The following GALNT13 variants were observed in gnomAD, a reference collection of about 807,000 sequenced individuals.
GALNT13 encodes polypeptide N-acetylgalactosaminyltransferase 13, also known as UDP-GalNAc:polypeptide N-acetylgalactosaminyltransferase 13.
A neutral mutation model predicts 64.2 loss-of-function variants in GALNT13; 28 were observed. The ratio of observed to expected loss-of-function variants is 0.44; its 90% CI spans 0.32 to 0.60. GALNT13 has a LOEUF of 0.60. GALNT13 is among the 20% of genes least tolerant of loss of function. The pLI, the probability that GALNT13 is intolerant of heterozygous loss-of-function variation, is 0.05. For synonymous variants in GALNT13, 214 were observed against 224.6 expected (o/e 0.95, Z 0.42); for missense variants, 577 against 669.8 (o/e 0.86, Z 1.53).
chr2:153,379,234 C>T, the GALNT13 span, among the ~76,000 whole-genome samples: 1 of 152,108 alleles, frequency 6.6e-6, no homozygotes, highest in Non-Finnish European at 1.5e-5. Flanking sequence ...AATAATGTTG[C>T]TTTTAAAATA....
the GALNT13 span, among the ~76,000 whole-genome samples, chr2:153,842,733 C>CAT: frequency 6.6e-6 from 1 of 151,558 alleles, no homozygotes; most frequent in African/African-American, 2.4e-5. Context: ...AACACACACA[C>CAT]ACACACACAT....
chr2:154,017,430 A>G (rs1574337637), intron 3 of GALNT13, among the ~76,000 whole-genome samples: 1 of 152,198 alleles, frequency 6.6e-6, no homozygotes, highest in Admixed American at 6.5e-5. Flanking sequence ...ATTGGTTAAT[A>G]TGATATTAAA....
At chr2:154,326,842 A>C (rs1015068934) in intron 9 of GALNT13, among the ~76,000 whole-genome samples, 8 of 152,176 alleles carry the variant, frequency 5.3e-5, no homozygotes, top group African/African-American at 1.9e-4. Flanking sequence ...CATAAAAATT[A>C]GTATCAACTA....
rs1281360390 is a variant in GALNT13 at position 154,453,173 on chromosome 2, C to T, written c.*2622C>T. 6.6e-6 allele frequency: 1 copy of T among 152,132 alleles called. No homozygotes were observed. The highest frequency in any genetic ancestry group is 1.5e-5 in the Non-Finnish European group (1 of 68,030). The allele number at this position is 152,132 out of a possible 1,614,324, so 9.4% of individuals were successfully genotyped here. A position where few individuals can be genotyped will look rare whatever the true frequency, so the allele number is the denominator to read the frequency against. On this transcript the variant is annotated 3_prime_UTR_variant, in exon 13 of 13. Transcript: ENST00000392825. Reference sequence around the variant, plus strand: ...TATTTAGTTCCCTAATTTCCCAGTCCTTGTCTTGAACAATCTTTTCTCAGT... The same window carrying T: ...TATTTAGTTCCCTAATTTCCCAGTCTTTGTCTTGAACAATCTTTTCTCAGT...
chr2:153,084,599 A>G, the GALNT13 span, among the ~76,000 whole-genome samples: 4 of 152,196 alleles, frequency 2.6e-5, no homozygotes, highest in African/African-American at 9.6e-5. Flanking sequence ...TCTTCTTGTG[A>G]TAGTGAATAA....
the GALNT13 span, among the ~76,000 whole-genome samples, chr2:153,114,760 A>G: frequency 6.6e-6 from 1 of 152,138 alleles, no homozygotes; most frequent in Non-Finnish European, 1.5e-5. Context: ...ATGAGCTTAA[A>G]CAAAGTGGCA....
At chr2:154,013,365 GC>G (rs1310625192) in intron 3 of GALNT13, among the ~76,000 whole-genome samples, 1 of 151,938 alleles carries the variant, frequency 6.6e-6, no homozygotes, top group Admixed American at 6.6e-5. Flanking sequence ...GACCCTGACG[GC>G]TAGAAGTGCT....
intron 5 of GALNT13, 119 bp from the exon 6 acceptor site, chr2:154,242,575 CAGTA>C: frequency 1.6e-6 from 1 of 638,532 alleles, no homozygotes; most frequent in Non-Finnish European, 2.7e-6. Context: ...ATATCTAAGG[CAGTA>C]AATACTGATA....
At chr2:154,245,127 A>ATAAATAAATAAC (rs1187336582) in intron 6 of GALNT13, among the ~76,000 whole-genome samples, 31 of 151,270 alleles carry the variant, frequency 2.0e-4, no homozygotes, top group African/African-American at 6.8e-4. Flanking sequence ...AAATAAATAA[A>ATAAATAAATAAC]TAAATAAATA....
intron 3 of GALNT13, among the ~76,000 whole-genome samples, chr2:154,019,602 C>CT (rs1362872872): frequency 1.6e-5 from 2 of 126,498 alleles, no homozygotes; most frequent in African/African-American, 6.4e-5. Context: ...GAGTAAGACT[C>CT]CACACACACA....
chr2:153,846,946 A>G, the GALNT13 span, among the ~76,000 whole-genome samples: 1 of 152,140 alleles, frequency 6.6e-6, no homozygotes, highest in Non-Finnish European at 1.5e-5. Flanking sequence ...TCTCCAATAA[A>G]TATTTCTAGA....
chr2:153,651,894 A>C, the GALNT13 span, among the ~76,000 whole-genome samples: 2 of 152,188 alleles, frequency 1.3e-5, no homozygotes, highest in African/African-American at 4.8e-5. Flanking sequence ...TTTACATATA[A>C]TTCTGGTTAC....
chr2:154,271,633 G>T (rs1042822053), intron 8 of GALNT13, among the ~76,000 whole-genome samples: 2 of 151,822 alleles, frequency 1.3e-5, no homozygotes, highest in Admixed American at 1.3e-4. Flanking sequence ...TCATATGAGT[G>T]TTTCTCTGGA....
chr2:154,349,765 T>C (rs932310183), intron 9 of GALNT13, among the ~76,000 whole-genome samples: 12 of 152,252 alleles, frequency 7.9e-5, no homozygotes, highest in Non-Finnish European at 1.6e-4. Context: ...ATAACCTAAA[T>C]CTCTGGACAC....
At chr2:153,238,646 GTGTAGAT>G in the GALNT13 span, among the ~76,000 whole-genome samples, 1 of 152,154 alleles carries the variant, frequency 6.6e-6, no homozygotes, top group African/African-American at 2.4e-5. Context: ...CACTGTAGGT[GTGTAGAT>G]TTCTCTGTGG....
At chr2:154,228,810 T>C (rs1688764815) in intron 4 of GALNT13, among the ~76,000 whole-genome samples, 1 of 152,088 alleles carries the variant, frequency 6.6e-6, no homozygotes, top group South Asian at 2.1e-4. Context: ...TGAGTTTCAG[T>C]TCTTTGATGC....
chr2:153,262,439 T>C, the GALNT13 span, among the ~76,000 whole-genome samples: 15 of 152,302 alleles, frequency 9.8e-5, no homozygotes, highest in African/African-American at 3.4e-4. Flanking sequence ...CCTCCCTAAC[T>C]CATTTTATGA....
chr2:153,746,860 T>G, the GALNT13 span, among the ~76,000 whole-genome samples: 14 of 152,288 alleles, frequency 9.2e-5, 1 homozygote, highest in African/African-American at 2.9e-4. Flanking sequence ...CAACTTTCAG[T>G]ATGTTTATTA....
the GALNT13 span, among the ~76,000 whole-genome samples, chr2:153,509,456 T>A: frequency 2.0e-5 from 3 of 152,256 alleles, no homozygotes; most frequent in African/African-American, 7.2e-5. Flanking sequence ...ATTCCTTTGC[T>A]TATATTTAAG....
Sources: gnomAD v4.1 joint callset for allele counts (sites outside exome capture counted in the v4.1 genomes callset) on GRCh38, gnomAD v4.1.1 for gene constraint, MANE v1.5 for transcripts, NCBI Gene and HGNC (gene_info 2026-07-23, HGNC 2026-07-21) for gene names.